Variants in SLC22A2 observed in about 807,000 individuals in gnomAD.
SLC22A2 encodes solute carrier family 22 member 2.
In SLC22A2, 46 loss-of-function variants were observed where a neutral mutation model predicts 60.5. The ratio of observed to expected loss-of-function variants is 0.76; its 90% CI spans 0.60 to 0.97. SLC22A2 has a LOEUF of 0.97. SLC22A2 is among the 50% of genes least tolerant of loss of function. The pLI, the probability that SLC22A2 is intolerant of heterozygous loss-of-function variation, is 0.00. For missense variants in SLC22A2, 701 were observed against 706.6 expected, an observed-to-expected ratio of 0.99 and a Z score of 0.09; for synonymous variants, 303 against 267.0, an observed-to-expected ratio of 1.13 and a Z score of -1.31.
chr6:160,224,731 G>T lies in SLC22A2; in HGVS notation c.1575C>A (p.Thr525=), dbSNP rs139737555. 11,142 of 1,605,200 alleles carry T rather than the reference G, an allele frequency of 6.9e-3. 54 individuals are homozygous for T. The highest frequency in any genetic ancestry group is 8.8e-3 in the Non-Finnish European group (10,347 of 1,175,084). ...TTTGCATATTTTCGGCTTCCTCGATGGTCTCAGGCAAAGCTTTCCCTTTAG... is the reference window on the plus strand; with the variant it reads ...TTTGCATATTTTCGGCTTCCTCGATTGTCTCAGGCAAAGCTTTCCCTTTAG... ...PETKGKALPE[T]IEEAENMQRP... Residue 525 remains threonine, a synonymous_variant, in exon 10 of 11, where the codon ACC becomes ACA. Transcript: ENST00000366953.
intron 4 of SLC22A2, among the ~76,000 whole-genome samples, 180 bp downstream of exon 4, chr6:160,249,036 G>T (rs1473706780): frequency 1.3e-5 from 2 of 152,214 alleles, no homozygotes; most frequent in African/African-American, 4.8e-5. Context: ...TTGATTTACA[G>T]ACGGAGAGGT....
rs771204664 is a variant in SLC22A2, at chr6:160,250,582, G to T, written c.639C>A (p.Val213=). ...MLIFRLIQGL[V]SKAGWLIGYI... is the part of the protein sequence containing the mutation. ...AGCCTATTAACCAGCCTGCTTTGCT[G>T]ACCAGTCCTTGGATTAAGCGAAAAA... is the stretch of plus-strand genomic sequence containing the variant. The change falls in exon 3 of 11, where the codon GTC becomes GTA. Residue 213 remains valine, a synonymous_variant. Transcript: ENST00000366953. The T allele has an allele frequency of 3.7e-6, 6 of 1,614,100 alleles. No homozygotes were observed. Among genetic ancestry groups the T allele is most frequent in the Non-Finnish European group, 4.2e-6 (5 of 1,179,982 alleles).
chr6:160,222,981 G>A (rs948258253), intron 10 of SLC22A2, among the ~76,000 whole-genome samples: 5 of 152,090 alleles, frequency 3.3e-5, no homozygotes, highest in Non-Finnish European at 7.4e-5. Context: ...ACCTCCGCTC[G>A]GATTCAAAGG....
chr6:160,258,751 T>C lies in SLC22A2; in HGVS notation c.7A>G (p.Thr3Ala). ...TGCTCCAGGACATCGTCCACGGTGG[T>C]GGGCATGATCCTGCAGGCAGGAGGG... is the stretch of plus-strand genomic sequence containing the variant. MP[T>A]TVDDVLEHGG... Residue 3 changes from threonine (T) to alanine (A), a missense_variant, in exon 1 of 11, where the codon ACC (threonine) becomes GCC (alanine). Physicochemically the swap from Thr to Ala is moderately conservative, Grantham distance 58 (BLOSUM62 0). Transcript: ENST00000366953. 6.5e-7 allele frequency: 1 copy of C among 1,549,910 alleles called. No individual in the cohort carries two copies. Among genetic ancestry groups the C allele is most frequent in the Non-Finnish European group, 8.7e-7 (1 of 1,145,936 alleles).
intron 5 of SLC22A2, among the ~76,000 whole-genome samples, chr6:160,246,823 C>G (rs1237089854): frequency 6.6e-6 from 1 of 152,176 alleles, no homozygotes; most frequent in Non-Finnish European, 1.5e-5. Flanking sequence ...TAAAGAACTG[C>G]TTTACTGATC....
At chr6:160,257,520 G>A (rs1396519685) in intron 1 of SLC22A2, among the ~76,000 whole-genome samples, 1 of 152,100 alleles carries the variant, frequency 6.6e-6, no homozygotes, top group African/African-American at 2.4e-5. Context: ...GAGAGCCTCG[G>A]AGAGTTTGTG....
intron 2 of SLC22A2, among the ~76,000 whole-genome samples, chr6:160,251,931 A>C (rs1783191866): frequency 6.6e-6 from 1 of 152,232 alleles, no homozygotes; most frequent in South Asian, 2.1e-4. Flanking sequence ...TAAATTTCTT[A>C]AGTCTTAAAA....
chr6:160,223,894 ATTTT>A (rs762169055), intron 10 of SLC22A2, among the ~76,000 whole-genome samples: 2 of 151,572 alleles, frequency 1.3e-5, no homozygotes, highest in Non-Finnish European at 2.9e-5. Flanking sequence ...CACCCAGATA[ATTTT>A]TTTGTACTTT....
intron 9 of SLC22A2, among the ~76,000 whole-genome samples, chr6:160,237,026 A>T (rs2114859749): frequency 6.6e-6 from 1 of 152,352 alleles, no homozygotes; most frequent in South Asian, 2.1e-4. Flanking sequence ...TGTCTTTAGC[A>T]AAAATGGGAA....
rs144193082 is a variant in SLC22A2 at position 160,230,405 on chromosome 6, C to T, written c.1502-5601G>A. On this transcript the variant is annotated intron_variant, in intron 9 of 10. Coordinates refer to ENST00000366953, the MANE Select transcript of SLC22A2 (RefSeq NM_003058.4). ...TTTCATCAAATATAAAAACCCAGCC[C>T]GGTCCATGGCCCTTTTGGCAGCAAC... 1.7e-3 allele frequency among the ~76,000 whole-genome samples: 255 copies of T among 152,012 alleles called. 4 individuals carry two copies. The highest frequency in any genetic ancestry group is 5.7e-3 in the African/African-American group (236 of 41,286).
rs1395477180 is a variant in SLC22A2 at position 160,217,551 on chromosome 6, A to C, written c.1602-53T>G. The C allele has an allele frequency of 5.3e-6, 5 of 946,710 alleles. No homozygotes were observed. The Admixed American group carries it at 9.5e-5, about 18-fold the overall frequency. 58.6% of individuals were successfully genotyped at this position (946,710 alleles called of 1,614,324 possible). A position where few individuals can be genotyped will look rare whatever the true frequency, so the allele number is the denominator to read the frequency against. On this transcript the variant is annotated intron_variant, in intron 10 of 10. Coordinates refer to ENST00000366953, the MANE Select transcript of SLC22A2 (RefSeq NM_003058.4). Reference sequence around the variant, plus strand: ...GGAGAAAGAAATTATGAGGAGGCTGAAAACCAAAATAAAGTGGGTAATAAA... The same window carrying C: ...GGAGAAAGAAATTATGAGGAGGCTGCAAACCAAAATAAAGTGGGTAATAAA...
intron 3 of SLC22A2, among the ~76,000 whole-genome samples, chr6:160,250,056 G>A (rs1783158026): frequency 6.6e-6 from 1 of 152,242 alleles, no homozygotes; most frequent in Admixed American, 6.5e-5. Context: ...TAGGATGTAA[G>A]TTATATTCCT....
chr6:160,245,407 G>A, intron 6 of SLC22A2, 32 bp downstream of exon 6: 1 of 1,202,056 alleles, frequency 8.3e-7, no homozygotes, highest in Non-Finnish European at 1.2e-6. Flanking sequence ...AAAACAATTT[G>A]GAGGCATTTC....
At chr6:160,229,919 T>G (rs1782791249) in intron 9 of SLC22A2, among the ~76,000 whole-genome samples, 1 of 151,766 alleles carries the variant, frequency 6.6e-6, no homozygotes, top group African/African-American at 2.4e-5. Flanking sequence ...TCTAGATAAT[T>G]CTTGTCGTAA....
In SLC22A2 at chr6:160,228,721, G is replaced by A. The variant is rs1008698179; in HGVS notation, c.1502-3917C>T. On this transcript the variant is annotated intron_variant, in intron 9 of 10. Transcript: ENST00000366953. ...CTGCACGTATATATCCAGATGGCCT[G>A]AAGTAACTGAAGAATCACAAAAGAA... Among the ~76,000 whole-genome samples the A allele has an allele frequency of 3.3e-5, 5 of 152,196 alleles. No homozygotes were observed. The South Asian group carries it at 8.3e-4, about 25-fold the overall frequency.
chr6:160,252,312 A>C (rs1304984808), intron 2 of SLC22A2, among the ~76,000 whole-genome samples: 1 of 152,220 alleles, frequency 6.6e-6, no homozygotes, highest in East Asian at 1.9e-4. Context: ...ACACAGTAGA[A>C]CACCACAGTA....
chr6:160,221,620 A>G (rs545173431), intron 10 of SLC22A2, among the ~76,000 whole-genome samples: 1 of 152,262 alleles, frequency 6.6e-6, no homozygotes, highest in South Asian at 2.1e-4. Flanking sequence ...GCTTCCTTTC[A>G]TTTAACACCT....
In SLC22A2 at chr6:160,243,598, C is replaced by G. The variant is rs755035249; in HGVS notation, c.1253G>C (p.Cys418Ser). 20 of 1,613,760 alleles carry G rather than the reference C, an allele frequency of 1.2e-5. No individual in the cohort carries two copies. The highest frequency in any genetic ancestry group is 1.6e-4 in the Middle Eastern group (1 of 6,080). ...AASNMVAGAA[C>S]LASVFIPGDL... ...ACCAGGTATAAAAACTGAGGCCAGA[C>G]AGGCTGCCCCTGCAACCATATTTGA... is the stretch of plus-strand genomic sequence containing the variant. The change falls in exon 7 of 11, where the codon TGT (cysteine) becomes TCT (serine). Residue 418 changes from cysteine (C) to serine (S), a missense_variant. Physicochemically the swap from Cys to Ser is moderately radical, Grantham distance 112. Coordinates refer to ENST00000366953, the MANE Select transcript of SLC22A2 (RefSeq NM_003058.4).
At chr6:160,251,325 T>G (rs975322646) in intron 2 of SLC22A2, among the ~76,000 whole-genome samples, 2 of 152,158 alleles carry the variant, frequency 1.3e-5, no homozygotes, top group Non-Finnish European at 2.9e-5. Flanking sequence ...GTTGTCCCAG[T>G]ATATGGAATA....
Sources: gnomAD v4.1 joint callset for allele counts (sites outside exome capture counted in the v4.1 genomes callset) on GRCh38, gnomAD v4.1.1 for gene constraint, MANE v1.5 for transcripts, NCBI Gene and HGNC (gene_info 2026-07-23, HGNC 2026-07-21) for gene names.